CCDC88C: variants seen among roughly 807,000 people sequenced by gnomAD.
CCDC88C encodes the protein coiled-coil and HOOK domain protein 88C.
A neutral mutation model predicts 198.8 loss-of-function variants in CCDC88C; 131 were observed. The observed-to-expected ratio is 0.66, with a 90% CI of 0.57 to 0.76. The LOEUF (loss-of-function observed/expected upper bound fraction) is 0.76, where lower values mean the gene tolerates loss of function less well. Among genes scored for constraint, CCDC88C ranks in the 30% least tolerant of loss-of-function variants. CCDC88C has a pLI of 0.00. For missense variants in CCDC88C, 2,553 were observed against 2,631.6 expected (o/e 0.97, Z 0.65); for synonymous variants, 1,166 against 1,114.7 (o/e 1.05, Z -0.92).
intron 1 of CCDC88C, 94 bp downstream of exon 1, chr14:91,417,536 CG>C: frequency 8.2e-7 from 1 of 1,212,866 alleles, no homozygotes; most frequent in Admixed American, 2.4e-5. Context: ...CGGAGCCACC[CG>C]GGGCCCCGGC....
chr14:91,404,105 G>A (rs1282298332), intron 3 of CCDC88C, among the ~76,000 whole-genome samples: 1 of 152,138 alleles, frequency 6.6e-6, no homozygotes, highest in Non-Finnish European at 1.5e-5. Context: ...CCCATTTGAG[G>A]GTGCTGTCCT....
At chr14:91,306,553 A>G (rs1342022098) in intron 18 of CCDC88C, among the ~76,000 whole-genome samples, 1 of 152,234 alleles carries the variant, frequency 6.6e-6, no homozygotes, top group Non-Finnish European at 1.5e-5. Flanking sequence ...CATTGTTGAG[A>G]ATCAAAGTCA....
At position 91,338,742 on chromosome 14, in the gene CCDC88C, T is replaced by C; in HGVS notation, c.810-172A>G. On this transcript the variant is annotated intron_variant, in intron 8 of 29. Coordinates refer to ENST00000389857, the MANE Select transcript of CCDC88C (RefSeq NM_001080414.4). This position sits in a 1 kb window ranked among gnomAD's most constrained non-coding sequence, Gnocchi z 4.8. ...CAAAAATGTTACTGACTCAAAATTC[T>C]TTTCTTTTCATAAGTTTGCAACACC... 1.7e-6 allele frequency: 1 copy of C among 601,046 alleles called. No homozygotes were observed. The highest frequency in any genetic ancestry group is 2.8e-5 in the East Asian group (1 of 35,904). The allele number at this position is 601,046 out of a possible 1,614,324, so 37.2% of individuals were successfully genotyped here. A position where few individuals can be genotyped will look rare whatever the true frequency, so the allele number is the denominator to read the frequency against.
chr14:91,409,118 A>G (rs1345596219), intron 2 of CCDC88C, among the ~76,000 whole-genome samples: 1 of 152,188 alleles, frequency 6.6e-6, no homozygotes, highest in African/African-American at 2.4e-5. Context: ...TTTCAAGATT[A>G]AAAGAATTAA....
intron 10 of CCDC88C, among the ~76,000 whole-genome samples, chr14:91,335,822 G>A (rs1462720482): frequency 2.0e-5 from 3 of 152,184 alleles, no homozygotes; most frequent in African/African-American, 7.2e-5. Flanking sequence ...GGTTTGCTAG[G>A]CTGTTGTAAC....
At chr14:91,285,392 T>C (rs1355050735) in intron 25 of CCDC88C, 1 of 454,770 alleles carries the variant, frequency 2.2e-6, no homozygotes, top group East Asian at 6.9e-5. Context: ...CCACTCGACT[T>C]ACTTAGTACG....
In CCDC88C at chr14:91,272,927, A is replaced by C; in HGVS notation, c.5785T>G (p.Phe1929Val). ...GCAGCCGGGGCTGCAGCAGGTGAGA[A>C]GTGCAGGAGCTGGGAGTTGCTGCCA... ...GSGSNSQLLH[F>V]SPAAAPAART... Residue 1929 changes from phenylalanine to valine, a missense_variant, in exon 30 of 30, where the codon TTC becomes GTC. Physicochemically the swap from Phe to Val is conservative, Grantham distance 50 (BLOSUM62 -1). Around this residue, in one of 2 missense-constraint regions of CCDC88C, gnomAD observed 1,293 missense variants for 1,219.6 expected, o/e 1.06. Coordinates refer to ENST00000389857, the MANE Select transcript of CCDC88C (RefSeq NM_001080414.4). The C allele has an allele frequency of 1.3e-6, 2 of 1,570,632 alleles. No homozygotes were observed. The highest frequency in any genetic ancestry group is 1.7e-6 in the Non-Finnish European group (2 of 1,162,764).
intron 3 of CCDC88C, among the ~76,000 whole-genome samples, chr14:91,382,605 G>A (rs762336328): frequency 2.0e-5 from 3 of 152,130 alleles, no homozygotes; most frequent in Non-Finnish European, 2.9e-5. Flanking sequence ...CAGAGAAGAC[G>A]GAGAAATACA....
At chr14:91,324,482 G>A (rs1892498234) in intron 12 of CCDC88C, among the ~76,000 whole-genome samples, 1 of 152,266 alleles carries the variant, frequency 6.6e-6, no homozygotes, top group African/African-American at 2.4e-5. Context: ...GCCTCAGAGA[G>A]CCTCTGGGTG....
At chr14:91,404,936 G>C (rs1207172383) in intron 3 of CCDC88C, among the ~76,000 whole-genome samples, 3 of 151,298 alleles carry the variant, frequency 2.0e-5, no homozygotes, top group Non-Finnish European at 3.0e-5. Flanking sequence ...CTGCACTCCA[G>C]GCTGGGCGAC....
chr14:91,278,916 T>C (rs866007086), intron 28 of CCDC88C, among the ~76,000 whole-genome samples: 4 of 144,686 alleles, frequency 2.8e-5, no homozygotes, highest in Admixed American at 2.1e-4. Context: ...TTTTTTTTTT[T>C]CTGAGATAGG....
intron 27 of CCDC88C, chr14:91,281,214 G>A (rs977795313): frequency 2.0e-6 from 2 of 998,174 alleles, no homozygotes; most frequent in Non-Finnish European, 1.5e-6. Flanking sequence ...AAGGCATGAA[G>A]AGGAGAGGTC....
Position 91,288,135 on chromosome 14 carries a change from G to A in CCDC88C, c.4441+970C>T, listed in dbSNP as rs1271755166. On this transcript the variant is annotated intron_variant, in intron 25 of 29. Transcript: ENST00000389857. The surrounding 1 kb of genome is among the most constrained non-coding windows in gnomAD (Gnocchi z 4.2). The stretch of plus-strand genomic sequence containing the variant: ...TTAGAAAAGCTCTTTCAACAAGAGC[G>A]TAAGAAAAATTCGAAGTGGTGGCCC... 6.6e-6 allele frequency among the ~76,000 whole-genome samples: 1 copy of A among 152,178 alleles called. No individual in the cohort carries two copies. Among genetic ancestry groups the A allele is most frequent in the Non-Finnish European group, 1.5e-5 (1 of 68,022 alleles).
intron 13 of CCDC88C, among the ~76,000 whole-genome samples, chr14:91,319,212 G>C (rs1892243348): frequency 1.3e-5 from 2 of 152,208 alleles, no homozygotes; most frequent in Admixed American, 1.3e-4. Flanking sequence ...CTCTGACCTG[G>C]AATGAGCAAG....
chr14:91,388,566 G>A (rs998165785), intron 3 of CCDC88C, among the ~76,000 whole-genome samples: 6 of 152,326 alleles, frequency 3.9e-5, no homozygotes, highest in Middle Eastern at 3.4e-3. Context: ...CGGTGACCGC[G>A]TCTGCTGCCC....
At chr14:91,416,566 A>G (rs1887065711) in intron 2 of CCDC88C, among the ~76,000 whole-genome samples, 172 bp downstream of exon 2, 1 of 152,024 alleles carries the variant, frequency 6.6e-6, no homozygotes, top group African/African-American at 2.4e-5. Flanking sequence ...GAGTTCTTCA[A>G]ACACCTACGA....
In CCDC88C at chr14:91,281,543, CTAG is replaced by C; in HGVS notation, c.4631-21_4631-19del. On this transcript the variant is annotated intron_variant, in intron 26 of 29. Coordinates refer to ENST00000389857, the MANE Select transcript of CCDC88C (RefSeq NM_001080414.4). ...GTTATAGCCTAAGGTGAAAATAAGG[CTAG>C]TGAGTCATGGTTACGGAACATGCCT... The C allele has an allele frequency of 6.2e-7, 1 of 1,612,862 alleles. No homozygotes were observed.
intron 3 of CCDC88C, among the ~76,000 whole-genome samples, chr14:91,380,225 T>C (rs1243424509): frequency 6.6e-6 from 1 of 152,230 alleles, no homozygotes; most frequent in East Asian, 1.9e-4. Flanking sequence ...CTGTTAATAA[T>C]AGGATTCGGC....
chr14:91,272,827 A>T lies in CCDC88C; in HGVS notation c.5885T>A (p.Leu1962His). Residue 1962 changes from leucine (L) to histidine (H), a missense_variant, in exon 30 of 30, where the codon CTC becomes CAC. Coordinates refer to ENST00000389857, the MANE Select transcript of CCDC88C (RefSeq NM_001080414.4). Reference protein sequence around the residue: ...TITPVRAGLSLSEGDGVPGQG... With the variant: ...TITPVRAGLSHSEGDGVPGQG... The stretch of plus-strand genomic sequence containing the variant: ...CCCCGGGACCCCGTCTCCCTCTGAG[A>T]GGCTGAGCCCTGCCCGGACAGGGGT... 1 of 1,595,574 alleles carries T rather than the reference A, an allele frequency of 6.3e-7. No individual in the cohort carries two copies. The highest frequency in any genetic ancestry group is 8.5e-7 in the Non-Finnish European group (1 of 1,171,474).
Sources: allele counts gnomAD v4.1 joint callset (sites outside exome capture counted in the v4.1 genomes callset), GRCh38; gene constraint gnomAD v4.1.1; regional missense constraint gnomAD v4.1.1; non-coding constraint Gnocchi (gnomAD v3.1); transcripts MANE v1.5; gene names NCBI Gene and HGNC (gene_info 2026-07-23, HGNC 2026-07-21).